RPN2: variants seen among roughly 807,000 people sequenced by gnomAD.
RPN2 encodes the protein dolichyl-diphosphooligosaccharide--protein glycosyltransferase subunit 2.
In RPN2, 29 loss-of-function variants were observed where a neutral mutation model predicts 71.4. The ratio of observed to expected loss-of-function variants is 0.41; its 90% CI spans 0.30 to 0.55. The LOEUF (loss-of-function observed/expected upper bound fraction) is 0.55, where lower values mean the gene tolerates loss of function less well. RPN2 is among the 20% of genes least tolerant of loss of function. The pLI, the probability that RPN2 is intolerant of heterozygous loss-of-function variation, is 0.35. For synonymous variants in RPN2, 308 were observed against 305.0 expected, an observed-to-expected ratio of 1.01 and a Z score of -0.10; for missense variants, 726 against 774.1, an observed-to-expected ratio of 0.94 and a Z score of 0.74.
intron 9 of RPN2, among the ~76,000 whole-genome samples, chr20:37,221,067 A>G (rs1329828000): frequency 6.6e-6 from 1 of 152,198 alleles, no homozygotes; most frequent in Non-Finnish European, 1.5e-5. Context: ...ACGAAGCTGG[A>G]TCCTGATTAG....
intron 9 of RPN2, among the ~76,000 whole-genome samples, chr20:37,222,944 G>A (rs1421308403): frequency 1.3e-5 from 2 of 152,190 alleles, no homozygotes; most frequent in Admixed American, 6.5e-5. Flanking sequence ...ACATGGATTG[G>A]TTTGTGCTTA....
At chr20:37,202,604 T>G (rs2067417619) in intron 4 of RPN2, among the ~76,000 whole-genome samples, 1 of 152,244 alleles carries the variant, frequency 6.6e-6, no homozygotes, top group South Asian at 2.1e-4. Context: ...TTTTCCAAAT[T>G]ATCTGTATTA....
intron 9 of RPN2, among the ~76,000 whole-genome samples, chr20:37,220,400 CAT>C (rs1290986678): frequency 6.6e-6 from 1 of 152,106 alleles, no homozygotes; most frequent in Non-Finnish European, 1.5e-5. Flanking sequence ...CCCTCATTGA[CAT>C]TGGACTGGCT....
In RPN2 at chr20:37,207,445, T is replaced by C; in HGVS notation, c.863T>C (p.Leu288Ser). The change falls in exon 7 of 17, where the codon TTG (leucine) becomes TCG (serine). Residue 288 changes from leucine (L) to serine (S), a missense_variant. Physicochemically the swap from Leu to Ser is moderately radical, Grantham distance 145. Transcript: ENST00000237530. ...SASDTHEQAI[L>S]RLQVTNVLSQ... ...TCCGACACTCATGAACAGGCTATCTTGCGGGTAAGACATCCATGCCCAAAG... is the reference window on the plus strand; with the variant it reads ...TCCGACACTCATGAACAGGCTATCTCGCGGGTAAGACATCCATGCCCAAAG... The C allele has an allele frequency of 1.2e-6, 2 of 1,614,110 alleles. No individual in the cohort carries two copies. The highest frequency in any genetic ancestry group is 1.3e-5 in the African/African-American group (1 of 75,048).
chr20:37,188,938 T>C (rs1265994352), intron 2 of RPN2, among the ~76,000 whole-genome samples: 1 of 151,786 alleles, frequency 6.6e-6, no homozygotes, highest in Non-Finnish European at 1.5e-5. Context: ...TTGATGTCTT[T>C]TTTTGTTGTT....
intron 12 of RPN2, among the ~76,000 whole-genome samples, chr20:37,228,953 TTAAG>T (rs1303049274): frequency 8.3e-6 from 1 of 120,698 alleles, no homozygotes; most frequent in Non-Finnish European, 1.7e-5. Flanking sequence ...TTAATAAATA[TTAAG>T]TGAGTGAAGG....
chr20:37,236,708 A>G lies in RPN2; in HGVS notation c.1882A>G (p.Arg628Gly), dbSNP rs2068404381. The change falls in exon 16 of 17, where the codon AGA (arginine) becomes GGA (glycine). Residue 628 changes from arginine to glycine, a missense_variant and splice_region_variant. Physicochemically the swap from Arg to Gly is moderately radical, Grantham distance 125. Coordinates refer to ENST00000237530, the MANE Select transcript of RPN2 (RefSeq NM_002951.5). ...NRMLAQQAVK[R>G]TAH is the part of the protein sequence containing the mutation. ...GATGCTGGCCCAGCAGGCAGTCAAG[A>G]GGTAAGGCCAGACATGAGCCAGGGA... 2 of 1,614,052 alleles carry G rather than the reference A, an allele frequency of 1.2e-6. No homozygotes were observed. The highest frequency in any genetic ancestry group is 1.7e-6 in the Non-Finnish European group (2 of 1,179,934).
chr20:37,181,741 A>G (rs1177214061), intron 1 of RPN2, among the ~76,000 whole-genome samples: 1 of 152,060 alleles, frequency 6.6e-6, no homozygotes, highest in African/African-American at 2.4e-5. Context: ...TCTTCTTAGC[A>G]TAGTTTCCCA....
At chr20:37,191,769 C>A (rs942830852) in intron 2 of RPN2, among the ~76,000 whole-genome samples, 1 of 151,710 alleles carries the variant, frequency 6.6e-6, no homozygotes, top group Non-Finnish European at 1.5e-5. Context: ...TTACAGATAT[C>A]ATTATTTAGC....
Position 37,179,352 on chromosome 20 carries a change from G to A in RPN2, c.-5G>A. On this transcript the variant is annotated 5_prime_UTR_variant, in exon 1 of 17. Transcript: ENST00000237530. ...CTCGGACTCCGGCGGGACCTGCTCG[G>A]AGGAATGGCGCCGCCGGGTGAGGAG... 2 of 703,602 alleles carry A rather than the reference G, an allele frequency of 2.8e-6. No homozygotes were observed. Among genetic ancestry groups the A allele is most frequent in the East Asian group, 5.8e-5 (1 of 17,380 alleles). 43.6% of individuals were successfully genotyped at this position (703,602 alleles called of 1,614,324 possible). A position where few individuals can be genotyped will look rare whatever the true frequency, so the allele number is the denominator to read the frequency against.
chr20:37,179,407 G>A (rs1444252253), intron 1 of RPN2, 38 bp downstream of exon 1: 2 of 1,487,452 alleles, frequency 1.3e-6, no homozygotes. Context: ...GAGGGCTGTC[G>A]CCCGCGGGAG....
At chr20:37,199,786 C>T (rs149931730) in intron 4 of RPN2, among the ~76,000 whole-genome samples, 30 of 152,238 alleles carry the variant, frequency 2.0e-4, no homozygotes, top group Non-Finnish European at 3.4e-4. Flanking sequence ...AATATTGTAA[C>T]TTCAGGGTGT....
intron 9 of RPN2, among the ~76,000 whole-genome samples, chr20:37,214,665 GA>G (rs1177209235): frequency 1.3e-5 from 2 of 152,164 alleles, no homozygotes; most frequent in Non-Finnish European, 2.9e-5. Context: ...GTTTCTTCAT[GA>G]TCAGGTTCAG....
At chr20:37,195,204 G>C (rs2146547747) in intron 2 of RPN2, among the ~76,000 whole-genome samples, 1 of 152,322 alleles carries the variant, frequency 6.6e-6, no homozygotes, top group Non-Finnish European at 1.5e-5. Context: ...GCTGGCTGAA[G>C]CCTCAGCACT....
intron 8 of RPN2, 145 bp from the exon 9 acceptor site, chr20:37,213,615 G>A (rs2067730742): frequency 1.4e-6 from 1 of 695,646 alleles, no homozygotes; most frequent in Non-Finnish European, 2.6e-6. Context: ...AGAAGCACGA[G>A]ATTGCCCAAG....
At chr20:37,216,363 T>C (rs1326336655) in intron 9 of RPN2, among the ~76,000 whole-genome samples, 4 of 152,156 alleles carry the variant, frequency 2.6e-5, no homozygotes, top group Non-Finnish European at 4.4e-5. Flanking sequence ...ATAAATAAAA[T>C]ACAAGTTTTT....
At chr20:37,207,495 A>G in intron 7 of RPN2, 46 bp downstream of exon 7, 1 of 1,567,516 alleles carries the variant, frequency 6.4e-7, no homozygotes. Context: ...TATCATTCCT[A>G]GTGGAAGGCT....
intron 6 of RPN2, 113 bp downstream of exon 6, chr20:37,205,014 C>T: frequency 6.9e-7 from 1 of 1,439,506 alleles, no homozygotes; most frequent in Non-Finnish European, 9.6e-7. Flanking sequence ...GATGCTGTCA[C>T]TCAGTGTCCT....
intron 7 of RPN2, 51 bp from the exon 8 acceptor site, chr20:37,209,996 C>T (rs370269646): frequency 1.9e-6 from 3 of 1,606,218 alleles, no homozygotes; most frequent in East Asian, 4.5e-5. Context: ...AAACAAAATT[C>T]TCTGCTCCTG....
Sources: gnomAD v4.1 joint callset for allele counts (sites outside exome capture counted in the v4.1 genomes callset) on GRCh38, gnomAD v4.1.1 for gene constraint, MANE v1.5 for transcripts, NCBI Gene and HGNC (gene_info 2026-07-23, HGNC 2026-07-21) for gene names.